DTNB: variants seen among roughly 807,000 people sequenced by gnomAD.
The protein encoded by DTNB is dystrobrevin beta.
In DTNB, 63 loss-of-function variants were observed where a neutral mutation model predicts 90.7. The ratio of observed to expected loss-of-function variants is 0.69; its 90% CI spans 0.57 to 0.86. The LOEUF (loss-of-function observed/expected upper bound fraction) is 0.86. Ranked by LOEUF, DTNB falls within the 40% of genes least tolerant of loss-of-function variation. DTNB has a pLI of 0.00. For synonymous variants in DTNB, 277 were observed against 286.7 expected (o/e 0.97, Z 0.34); for missense variants, 744 against 807.1 (o/e 0.92, Z 0.95).
chr2:25,590,093 C>T (rs1191413600), intron 6 of DTNB, among the ~76,000 whole-genome samples: 3 of 152,314 alleles, frequency 2.0e-5, no homozygotes, highest in East Asian at 1.9e-4. Context: ...CCAGCAAACA[C>T]GGTGGCACCC....
Position 25,607,325 on chromosome 2 carries a change from C to A in DTNB, c.363-4G>T, listed in dbSNP as rs752392726. ...CGTCAACTTGCCTCGGCCCTCACTG[C>A]AAAATAAATTATATTAGAAATAATT... On this transcript the variant is annotated splice_region_variant and splice_polypyrimidine_tract_variant and intron_variant, in intron 4 of 20. Transcript: ENST00000406818. The A allele has an allele frequency of 1.1e-5, 18 of 1,587,872 alleles. No individual in the cohort carries two copies. The highest frequency in any genetic ancestry group is 1.5e-5 in the Non-Finnish European group (17 of 1,166,392).
intron 12 of DTNB, among the ~76,000 whole-genome samples, chr2:25,444,126 TTAAAGG>T (rs1380255959): frequency 6.6e-6 from 1 of 152,220 alleles, no homozygotes; most frequent in Non-Finnish European, 1.5e-5. Context: ...AAAAAAACCC[TTAAAGG>T]TAAACAAAAC....
intron 16 of DTNB, among the ~76,000 whole-genome samples, chr2:25,408,538 C>CAAAAAAAAAAAAAAAAA (rs11395783): frequency 3.1e-5 from 1 of 32,728 alleles, no homozygotes; most frequent in African/African-American, 9.4e-5. Flanking sequence ...GACTCCATCT[C>CAAAAAAAAAAAAAAAAA]AAAAAAAAAA....
At chr2:25,412,484 G>C (rs2046854725) in intron 16 of DTNB, among the ~76,000 whole-genome samples, 1 of 152,134 alleles carries the variant, frequency 6.6e-6, no homozygotes, top group Admixed American at 6.5e-5. Flanking sequence ...CCTAAGCTGG[G>C]CCAAGGCCAC....
chr2:25,403,994 C>T (rs2044396142), intron 16 of DTNB, among the ~76,000 whole-genome samples: 1 of 152,300 alleles, frequency 6.6e-6, no homozygotes, highest in Non-Finnish European at 1.5e-5. Flanking sequence ...GGCAACTTAC[C>T]TAACCTCTCT....
chr2:25,474,892 T>C (rs1189199898), intron 10 of DTNB, among the ~76,000 whole-genome samples: 2 of 152,248 alleles, frequency 1.3e-5, no homozygotes, highest in East Asian at 3.8e-4. Flanking sequence ...TTGGTGTTAC[T>C]ATTGTAATTG....
chr2:25,513,308 A>T (rs1329104899), intron 9 of DTNB, among the ~76,000 whole-genome samples: 1 of 152,222 alleles, frequency 6.6e-6, no homozygotes, highest in Non-Finnish European at 1.5e-5. Flanking sequence ...TGTCAAAGAG[A>T]AGCAAATTTC....
At chr2:25,497,836 C>T (rs901381024) in intron 9 of DTNB, among the ~76,000 whole-genome samples, 3 of 152,178 alleles carry the variant, frequency 2.0e-5, no homozygotes, top group African/African-American at 7.2e-5. Context: ...CACATTTCAG[C>T]CCTCATTTGG....
chr2:25,518,576 AACAC>A (rs67622909), intron 9 of DTNB, among the ~76,000 whole-genome samples: 5 of 151,660 alleles, frequency 3.3e-5, no homozygotes, highest in African/African-American at 1.2e-4. Flanking sequence ...CCCTCACCCC[AACAC>A]ACACACACTC....
At chr2:25,666,514 C>G (rs1240714075) in intron 1 of DTNB, among the ~76,000 whole-genome samples, 1 of 152,112 alleles carries the variant, frequency 6.6e-6, no homozygotes, top group East Asian at 1.9e-4. Flanking sequence ...TAGGCAATGC[C>G]ATAACAAAGA....
At chr2:25,522,187 G>C (rs1237313124) in intron 9 of DTNB, among the ~76,000 whole-genome samples, 1 of 152,194 alleles carries the variant, frequency 6.6e-6, no homozygotes, top group Admixed American at 6.5e-5. Context: ...GTGCTGATAC[G>C]TGAATTGGCT....
intron 4 of DTNB, among the ~76,000 whole-genome samples, chr2:25,625,444 T>C (rs538686280): frequency 6.6e-6 from 1 of 152,212 alleles, no homozygotes; most frequent in Admixed American, 6.5e-5. Flanking sequence ...TTAGTAAAGA[T>C]GTGATCATTT....
intron 1 of DTNB, among the ~76,000 whole-genome samples, chr2:25,662,681 A>ACACAC (rs35419647): frequency 4.8e-5 from 5 of 104,528 alleles, no homozygotes; most frequent in East Asian, 2.4e-4. Flanking sequence ...CACACACACA[A>ACACAC]ACACACACAC....
intron 8 of DTNB, among the ~76,000 whole-genome samples, chr2:25,535,300 CG>C (rs1226165244): frequency 3.8e-5 from 5 of 131,670 alleles, no homozygotes; most frequent in South Asian, 2.5e-4. Flanking sequence ...ACTTCCCAGA[CG>C]GGGGTGGCCA....
intron 2 of DTNB, among the ~76,000 whole-genome samples, chr2:25,650,686 C>G (rs1357947339): frequency 6.6e-6 from 1 of 152,192 alleles, no homozygotes; most frequent in Admixed American, 6.5e-5. Context: ...TTAGGCCAGG[C>G]ACAGTGGCTC....
intron 8 of DTNB, among the ~76,000 whole-genome samples, chr2:25,542,199 C>G (rs1233927094): frequency 6.6e-6 from 1 of 152,142 alleles, no homozygotes; most frequent in African/African-American, 2.4e-5. Context: ...GCTGCAACCT[C>G]CACCTCCTGG....
intron 12 of DTNB, among the ~76,000 whole-genome samples, chr2:25,435,408 C>T (rs1303081838): frequency 4.6e-5 from 7 of 152,220 alleles, no homozygotes. Flanking sequence ...CATTCCCCAT[C>T]CCCCTTCCCT....
chr2:25,568,396 G>A (rs1308368537), intron 8 of DTNB, among the ~76,000 whole-genome samples: 1 of 151,932 alleles, frequency 6.6e-6, no homozygotes, highest in Admixed American at 6.6e-5. Flanking sequence ...GAGGGAGTTT[G>A]GTTTAAAGTG....
At chr2:25,669,299 AAGTT>A (rs1270530333) in intron 1 of DTNB, among the ~76,000 whole-genome samples, 5 of 152,380 alleles carry the variant, frequency 3.3e-5, no homozygotes, top group East Asian at 1.9e-4. Context: ...ATAATAAAAA[AAGTT>A]AGAGTGCTGA....
Sources: gnomAD v4.1 joint callset for allele counts (sites outside exome capture counted in the v4.1 genomes callset) on GRCh38, gnomAD v4.1.1 for gene constraint, MANE v1.5 for transcripts, NCBI Gene and HGNC (gene_info 2026-07-23, HGNC 2026-07-21) for gene names.